MYO6: variants seen among roughly 807,000 people sequenced by gnomAD.
MYO6 encodes unconventional myosin-VI.
Under a neutral mutation model 178.7 loss-of-function variants are expected in MYO6, and 74 were observed. That is an observed-to-expected ratio of 0.41 (90% CI 0.34 to 0.50). The LOEUF is 0.50. MYO6 is among the 20% of genes least tolerant of loss of function. MYO6 has a pLI of 0.09. For missense variants in MYO6, 1,330 were observed against 1,547.4 expected, an observed-to-expected ratio of 0.86 and a Z score of 2.36; for synonymous variants, 477 against 504.6, an observed-to-expected ratio of 0.95 and a Z score of 0.73.
In MYO6 at chr6:75,784,648, G is replaced by T. The variant is rs539613581; in HGVS notation, c.-47-32853G>T. Among the ~76,000 whole-genome samples the T allele has an allele frequency of 2.4e-3, 360 of 151,888 alleles. 1 individual carries two copies. Among genetic ancestry groups the T allele is most frequent in the African/African-American group, 8.1e-3 (337 of 41,424 alleles). ...CAAAATTAGCTGGGTGTGGTGGCGG[G>T]CGCCTGTAGTCCCAGTTACTTGGGA... On this transcript the variant is annotated intron_variant, in intron 1 of 34. Coordinates refer to ENST00000369977, the MANE Select transcript of MYO6 (RefSeq NM_004999.4).
chr6:75,812,729 A>G (rs1379395891), intron 1 of MYO6, among the ~76,000 whole-genome samples: 1 of 151,742 alleles, frequency 6.6e-6, no homozygotes, highest in Admixed American at 6.6e-5. Flanking sequence ...GATGTGTTTC[A>G]TTTAATGTAA....
At chr6:75,822,896 C>G (rs756906306) in intron 3 of MYO6, 45 bp downstream of exon 3, 1 of 1,452,828 alleles carries the variant, frequency 6.9e-7, no homozygotes, top group South Asian at 1.1e-5. Context: ...GAAAAGGAGA[C>G]TGTTCTTTTA....
At chr6:75,887,538 G>A (rs1778536890) in intron 25 of MYO6, among the ~76,000 whole-genome samples, 1 of 151,524 alleles carries the variant, frequency 6.6e-6, no homozygotes, top group Non-Finnish European at 1.5e-5. Flanking sequence ...CTGCTTGGGA[G>A]GCTGAGGCAG....
chr6:75,902,161 T>A (rs369991290), intron 30 of MYO6, among the ~76,000 whole-genome samples: 5 of 152,224 alleles, frequency 3.3e-5, no homozygotes, highest in Admixed American at 6.5e-5. Context: ...ATCAATGTTC[T>A]TCAAGGATAT....
intron 1 of MYO6, among the ~76,000 whole-genome samples, chr6:75,784,117 G>C (rs1335319360): frequency 6.6e-6 from 1 of 151,962 alleles, no homozygotes; most frequent in African/African-American, 2.4e-5. Flanking sequence ...GATCACAGGC[G>C]CATGCCACCA....
chr6:75,805,002 C>CACACACATATATATAT (rs1554199386), intron 1 of MYO6, among the ~76,000 whole-genome samples: 1 of 63,978 alleles, frequency 1.6e-5, no homozygotes, highest in Non-Finnish European at 2.7e-5. Context: ...TACACACACA[C>CACACACATATATATAT]ATATATATAT....
At chr6:75,756,918 T>C (rs1443567264) in intron 1 of MYO6, among the ~76,000 whole-genome samples, 38 of 135,876 alleles carry the variant, frequency 2.8e-4, no homozygotes, top group East Asian at 8.5e-4. Flanking sequence ...TATACACATA[T>C]ATATACACAC....
intron 7 of MYO6, among the ~76,000 whole-genome samples, chr6:75,840,159 A>ATTTTT (rs71002767): frequency 7.6e-6 from 1 of 131,884 alleles, no homozygotes; most frequent in African/African-American, 2.8e-5. Flanking sequence ...CTTCATGTTA[A>ATTTTT]TTTTTTTTTT....
intron 1 of MYO6, among the ~76,000 whole-genome samples, chr6:75,752,863 G>C (rs1777016840): frequency 6.6e-6 from 1 of 152,176 alleles, no homozygotes; most frequent in Non-Finnish European, 1.5e-5. Context: ...GTGAGAACTA[G>C]AATTAGATTG....
chr6:75,891,338 A>G (rs1469307872), intron 27 of MYO6, 32 bp downstream of exon 27: 1 of 1,526,312 alleles, frequency 6.6e-7, no homozygotes, highest in Non-Finnish European at 9.0e-7. Flanking sequence ...TTTCTATTAA[A>G]ATGGAACCTA....
At position 75,866,517 on chromosome 6, in the gene MYO6, G is replaced by T; in HGVS notation, c.1675-9G>T. 6.2e-7 allele frequency: 1 copy of T among 1,602,006 alleles called. No individual in the cohort carries two copies. The highest frequency in any genetic ancestry group is 2.2e-5 in the East Asian group (1 of 44,796). ...TCATTTAATAACTCATATATGTATT[G>T]TTTTTCAGATTCCCAGAAAATCTAA... On this transcript the variant is annotated splice_polypyrimidine_tract_variant and intron_variant, in intron 16 of 34. Transcript: ENST00000369977.
rs1233862136 is a variant in MYO6, at chr6:75,916,729, A to C, written c.*1717A>C. The C allele has an allele frequency of 6.6e-6, 1 of 152,308 alleles. No homozygotes were observed. 9.4% of individuals were successfully genotyped at this position (152,308 alleles called of 1,614,324 possible). A position where few individuals can be genotyped will look rare whatever the true frequency, so the allele number is the denominator to read the frequency against. ...AATTTAGTAGCCAAATTGTTTTTTA[A>C]TGACATGTCTCTTTAGTACAATAGT... On this transcript the variant is annotated 3_prime_UTR_variant, in exon 35 of 35. Transcript: ENST00000369977.
At chr6:75,808,967 G>T (rs569402230) in intron 1 of MYO6, among the ~76,000 whole-genome samples, 1 of 152,308 alleles carries the variant, frequency 6.6e-6, no homozygotes, top group East Asian at 1.9e-4. Context: ...CAATTTACAG[G>T]TGAGAGGAGG....
chr6:75,778,087 T>A (rs1370837243), intron 1 of MYO6, among the ~76,000 whole-genome samples: 2 of 152,144 alleles, frequency 1.3e-5, no homozygotes, highest in Admixed American at 1.3e-4. Flanking sequence ...CTTAAACTCC[T>A]GGGCTTGAGT....
chr6:75,799,605 T>C (rs1375551711), intron 1 of MYO6, among the ~76,000 whole-genome samples: 1 of 152,194 alleles, frequency 6.6e-6, no homozygotes, highest in African/African-American at 2.4e-5. Context: ...AGAAAATATT[T>C]ACTTTCTTTT....
intron 30 of MYO6, among the ~76,000 whole-genome samples, chr6:75,900,404 C>T (rs1779663622): frequency 6.6e-6 from 1 of 152,166 alleles, no homozygotes; most frequent in Non-Finnish European, 1.5e-5. Context: ...CCTGTTATTT[C>T]CTGACTTTTT....
At chr6:75,899,478 A>G (rs1779562992) in intron 30 of MYO6, among the ~76,000 whole-genome samples, 2 of 152,148 alleles carry the variant, frequency 1.3e-5, no homozygotes, top group South Asian at 4.1e-4. Context: ...GGATGTAGAA[A>G]AGACAAATAA....
chr6:75,801,337 G>GGA (rs1445155426), intron 1 of MYO6, among the ~76,000 whole-genome samples: 1 of 151,616 alleles, frequency 6.6e-6, no homozygotes, highest in African/African-American at 2.4e-5. Flanking sequence ...CGAGAGGAGA[G>GGA]GAGGAGGAGG....
rs146037332 is a variant in MYO6, at chr6:75,812,382, A to G, written c.-47-5119A>G. 9.1e-3 allele frequency among the ~76,000 whole-genome samples: 1,391 copies of G among 152,282 alleles called. 53 individuals are homozygous for G. The highest frequency in any genetic ancestry group is 0.075 in the Admixed American group (1,151 of 15,294). ...ACATGAGATATTTTGATACAGGCGT[A>G]CAGTGTGCCATAATCACATTGGGGT... On this transcript the variant is annotated intron_variant, in intron 1 of 34. Coordinates refer to ENST00000369977, the MANE Select transcript of MYO6 (RefSeq NM_004999.4).
Sources: gnomAD v4.1 joint callset for allele counts (sites outside exome capture counted in the v4.1 genomes callset) on GRCh38, gnomAD v4.1.1 for gene constraint, MANE v1.5 for transcripts, NCBI Gene and HGNC (gene_info 2026-07-23, HGNC 2026-07-21) for gene names.